The following CNTNAP5 variants were observed in gnomAD, a reference collection of about 807,000 sequenced individuals.
CNTNAP5 encodes the protein contactin associated protein family member 5, also known as contactin-associated protein-like 5.
In CNTNAP5, 72 loss-of-function variants were observed where a neutral mutation model predicts 150.2. That is an observed-to-expected ratio of 0.48 (90% CI 0.40 to 0.58). The LOEUF is 0.58. Among genes scored for constraint, CNTNAP5 ranks in the 20% least tolerant of loss-of-function variants. The probability of loss-of-function intolerance (pLI) is 0.00; values close to 1 mark genes in which losing one functional copy is unlikely to be tolerated. For missense variants in CNTNAP5, 1,636 were observed against 1,626.2 expected (o/e 1.01, Z -0.10); for synonymous variants, 672 against 619.8 (o/e 1.08, Z -1.25).
At position 124,609,873 on chromosome 2, in the gene CNTNAP5, A is replaced by G; in HGVS notation, c.1829A>G (p.Asp610Gly). The G allele has an allele frequency of 2.5e-6, 4 of 1,613,962 alleles. No individual in the cohort carries two copies. Among genetic ancestry groups the G allele is most frequent in the Non-Finnish European group, 3.4e-6 (4 of 1,179,876 alleles). ...GCCGGCTTCTTCTACATCGACTCAG[A>G]TGGCAGCGGCCCACTGGGACCTCTC... is the stretch of plus-strand genomic sequence containing the variant. Reference protein sequence around the residue: ...NTAGFFYIDSDGSGPLGPLQV... With the variant: ...NTAGFFYIDSGGSGPLGPLQV... Residue 610 changes from aspartate (D) to glycine (G), a missense_variant, in exon 12 of 24, where the codon GAT (aspartate) becomes GGT (glycine). Asp to Gly is a moderately conservative substitution (Grantham distance 94). Coordinates refer to ENST00000682447, the MANE Select transcript of CNTNAP5 (RefSeq NM_001367498.1).
intron 1 of CNTNAP5, among the ~76,000 whole-genome samples, chr2:124,173,399 A>G (rs1453326866): frequency 6.6e-6 from 1 of 152,218 alleles, no homozygotes; most frequent in African/African-American, 2.4e-5. Context: ...GGCCTCTTGT[A>G]CCAGTTAGCT....
chr2:124,148,190 A>G (rs549843643), intron 1 of CNTNAP5, among the ~76,000 whole-genome samples: 63 of 151,980 alleles, frequency 4.1e-4, no homozygotes, highest in Non-Finnish European at 7.5e-4. Flanking sequence ...AGGACATCTC[A>G]TGATTGAAAA....
intron 21 of CNTNAP5, 95 bp downstream of exon 21, chr2:124,869,857 C>CTGT: frequency 3.0e-6 from 2 of 667,290 alleles, no homozygotes; most frequent in South Asian, 2.3e-5. Context: ...AGGTCTGGAG[C>CTGT]CTTTTGCTCC....
intron 19 of CNTNAP5, among the ~76,000 whole-genome samples, chr2:124,804,688 A>C (rs1682045149): frequency 6.6e-6 from 1 of 152,102 alleles, no homozygotes; most frequent in African/African-American, 2.4e-5. Flanking sequence ...CTCAACAGGG[A>C]CCGAGTCAGC....
At chr2:124,425,722 C>T (rs1391939097) in intron 4 of CNTNAP5, among the ~76,000 whole-genome samples, 1 of 152,128 alleles carries the variant, frequency 6.6e-6, no homozygotes, top group Non-Finnish European at 1.5e-5. Context: ...CACCATAATG[C>T]TTCCCTGTAC....
At chr2:124,338,324 TGA>T (rs1475993954) in intron 3 of CNTNAP5, among the ~76,000 whole-genome samples, 2 of 152,186 alleles carry the variant, frequency 1.3e-5, no homozygotes, top group Non-Finnish European at 2.9e-5. Flanking sequence ...AGGGACAATT[TGA>T]TTTCCTCTTT....
intron 11 of CNTNAP5, among the ~76,000 whole-genome samples, chr2:124,590,801 A>G (rs1463845065): frequency 1.3e-5 from 2 of 152,154 alleles, no homozygotes; most frequent in Non-Finnish European, 2.9e-5. Context: ...ATAGTTTTAC[A>G]ATAGGAATAT....
At chr2:124,376,420 G>GT (rs995853787) in intron 3 of CNTNAP5, among the ~76,000 whole-genome samples, 20 of 152,166 alleles carry the variant, frequency 1.3e-4, no homozygotes, top group Non-Finnish European at 2.4e-4. Context: ...TTTCATTTGG[G>GT]TAAGTGGAGG....
chr2:124,205,805 G>T (rs61294029), intron 1 of CNTNAP5, among the ~76,000 whole-genome samples: 3 of 152,136 alleles, frequency 2.0e-5, no homozygotes, highest in African/African-American at 7.2e-5. Context: ...TGTGTGTTTT[G>T]CTGCCTCCTT....
At chr2:124,161,535 T>G (rs1014334171) in intron 1 of CNTNAP5, among the ~76,000 whole-genome samples, 1 of 152,168 alleles carries the variant, frequency 6.6e-6, no homozygotes, top group Non-Finnish European at 1.5e-5. Context: ...ATTTAATGAT[T>G]TATTGATAGG....
rs777020911 is a variant in CNTNAP5 at position 124,733,546 on chromosome 2, T to G, written c.2078-13683T>G. 2.6e-5 allele frequency among the ~76,000 whole-genome samples: 4 copies of G among 152,128 alleles called. No individual in the cohort carries two copies. The South Asian group carries it at 8.3e-4, about 32-fold the overall frequency. ...AATTCAAACTAAACGAACAAGATTT[T>G]TTTTTTAATAAAAAAGAGTAACAAC... On this transcript the variant is annotated intron_variant, in intron 13 of 23. Coordinates refer to ENST00000682447, the MANE Select transcript of CNTNAP5 (RefSeq NM_001367498.1).
At chr2:124,487,831 T>C (rs993345876) in intron 7 of CNTNAP5, among the ~76,000 whole-genome samples, 3 of 152,038 alleles carry the variant, frequency 2.0e-5, no homozygotes, top group Admixed American at 6.5e-5. Flanking sequence ...CAAAATCGAA[T>C]GCTTATACTA....
At chr2:124,416,301 G>A (rs1180905645) in intron 3 of CNTNAP5, among the ~76,000 whole-genome samples, 2 of 151,906 alleles carry the variant, frequency 1.3e-5, no homozygotes, top group African/African-American at 4.8e-5. Context: ...CTGAGTTCCA[G>A]CGTTGGATAT....
chr2:124,299,508 G>A (rs1291410220), intron 3 of CNTNAP5, among the ~76,000 whole-genome samples: 1 of 152,182 alleles, frequency 6.6e-6, no homozygotes, highest in Non-Finnish European at 1.5e-5. Flanking sequence ...TCTCTGCAAA[G>A]GACATGATCT....
intron 3 of CNTNAP5, among the ~76,000 whole-genome samples, chr2:124,278,013 C>T (rs981680104): frequency 6.6e-6 from 1 of 152,126 alleles, no homozygotes; most frequent in Non-Finnish European, 1.5e-5. Context: ...GTGCCAGTTC[C>T]TCCTCCAGTG....
chr2:124,302,078 C>A (rs544387435), intron 3 of CNTNAP5, among the ~76,000 whole-genome samples: 1 of 152,256 alleles, frequency 6.6e-6, no homozygotes, highest in South Asian at 2.1e-4. Flanking sequence ...AGTGAGAAGG[C>A]AACTGTCTGT....
chr2:124,169,592 C>T (rs77393333), intron 1 of CNTNAP5, among the ~76,000 whole-genome samples: 1,796 of 152,282 alleles, frequency 0.012, 32 homozygotes, highest in African/African-American at 0.04. Flanking sequence ...CAATGGTGCA[C>T]TTCCAGCAAA....
At chr2:124,230,129 C>T (rs904153272) in intron 2 of CNTNAP5, among the ~76,000 whole-genome samples, 1 of 152,062 alleles carries the variant, frequency 6.6e-6, no homozygotes, top group African/African-American at 2.4e-5. Flanking sequence ...CCTTACCTCC[C>T]GCTTTGGCAC....
Position 124,708,470 on chromosome 2 carries a change from C to T in CNTNAP5, c.2078-38759C>T, listed in dbSNP as rs531020214. On this transcript the variant is annotated intron_variant, in intron 13 of 23. Transcript: ENST00000682447. ...CATTTCCTGCTGGTGCTTCTATTGG[C>T]GGGCGGACATGGGAACCTGGCAGTG... 8.5e-5 allele frequency among the ~76,000 whole-genome samples: 13 copies of T among 152,154 alleles called. No homozygotes were observed. In the East Asian group the frequency reaches 2.1e-3, roughly 25 times the overall value.
Sources: gnomAD v4.1 joint callset for allele counts (sites outside exome capture counted in the v4.1 genomes callset) on GRCh38, gnomAD v4.1.1 for gene constraint, MANE v1.5 for transcripts, NCBI Gene and HGNC (gene_info 2026-07-23, HGNC 2026-07-21) for gene names.